Variants in CFAP54 observed in about 807,000 individuals in gnomAD.
CFAP54 encodes the protein cilia- and flagella-associated protein 54.
Under a neutral mutation model 370.4 loss-of-function variants are expected in CFAP54, and 290 were observed. The ratio of observed to expected loss-of-function variants is 0.78; its 90% CI spans 0.71 to 0.86. CFAP54 has a LOEUF of 0.86. Ranked by LOEUF, CFAP54 falls within the 40% of genes least tolerant of loss-of-function variation. The pLI is 0.00. For missense variants in CFAP54, 3,399 were observed against 3,528.7 expected, an observed-to-expected ratio of 0.96 and a Z score of 0.93; for synonymous variants, 1,206 against 1,236.5, an observed-to-expected ratio of 0.98 and a Z score of 0.52.
At chr12:96,826,888 T>A in intron 65 of CFAP54, among the ~76,000 whole-genome samples, 1 of 123,628 alleles carries the variant, frequency 8.1e-6, no homozygotes, top group South Asian at 2.3e-4. Flanking sequence ...TTATATAATA[T>A]TATATGATAT....
rs764959292 is a variant in CFAP54 at position 96,518,891 on chromosome 12, A to T, written c.799-37A>T. On this transcript the variant is annotated intron_variant, in intron 5 of 67. Coordinates refer to ENST00000524981, the MANE Select transcript of CFAP54 (RefSeq NM_001306084.2). Reference sequence around the variant, plus strand: ...AATACAATTATCATTATTAACTTCAAATGAAAACAAATCCAATGGTGCCCT... The same window carrying T: ...AATACAATTATCATTATTAACTTCATATGAAAACAAATCCAATGGTGCCCT... 17 of 1,489,658 alleles carry T rather than the reference A, an allele frequency of 1.1e-5. 1 individual carries two copies. The South Asian group carries it at 2.2e-4, about 19-fold the overall frequency. The allele number at this position is 1,489,658 out of a possible 1,614,324, so 92.3% of individuals were successfully genotyped here.
chr12:96,515,127 C>T (rs928061027), intron 5 of CFAP54, among the ~76,000 whole-genome samples: 15 of 151,836 alleles, frequency 9.9e-5, no homozygotes, highest in Non-Finnish European at 1.6e-4. Context: ...CCTGCCACAG[C>T]CCCCTGAGTA....
At chr12:96,868,010 A>G (rs1565767945) in intron 67 of CFAP54, among the ~76,000 whole-genome samples, 1 of 152,326 alleles carries the variant, frequency 6.6e-6, no homozygotes, top group East Asian at 1.9e-4. Flanking sequence ...ATGTTTGTAC[A>G]TGATAAATAT....
At chr12:96,582,375 G>A (rs943131609) in intron 22 of CFAP54, among the ~76,000 whole-genome samples, 6 of 152,094 alleles carry the variant, frequency 3.9e-5, no homozygotes, top group Non-Finnish European at 7.4e-5. Flanking sequence ...TGACTGTAGA[G>A]CTGATGGCTT....
intron 33 of CFAP54, chr12:96,646,607 T>C (rs1285366555): frequency 6.6e-6 from 1 of 152,206 alleles, no homozygotes; most frequent in Non-Finnish European, 1.5e-5. Flanking sequence ...ACTGGGTATA[T>C]ACCCAAAGGA....
chr12:96,725,222 G>A (rs1957817072), intron 50 of CFAP54, among the ~76,000 whole-genome samples: 1 of 151,436 alleles, frequency 6.6e-6, no homozygotes, highest in Non-Finnish European at 1.5e-5. Flanking sequence ...GAAAGTCATT[G>A]GTAGCTTGAT....
At chr12:96,604,660 C>T (rs1265397118) in intron 26 of CFAP54, among the ~76,000 whole-genome samples, 1 of 151,958 alleles carries the variant, frequency 6.6e-6, no homozygotes, top group East Asian at 1.9e-4. Flanking sequence ...AGCATAGAAC[C>T]ACCTACTCAA....
At chr12:96,648,880 G>A (rs544318949) in intron 34 of CFAP54, among the ~76,000 whole-genome samples, 4 of 151,998 alleles carry the variant, frequency 2.6e-5, no homozygotes, top group South Asian at 2.1e-4. Context: ...GAGCCACTGC[G>A]CCCGGCCGAA....
intron 55 of CFAP54, among the ~76,000 whole-genome samples, chr12:96,750,937 C>T (rs1958175801): frequency 6.6e-6 from 1 of 152,120 alleles, no homozygotes; most frequent in Non-Finnish European, 1.5e-5. Flanking sequence ...TATTATAAAG[C>T]ATAAAATCAG....
At chr12:96,545,261 A>C (rs1374281306) in intron 14 of CFAP54, among the ~76,000 whole-genome samples, 1 of 152,040 alleles carries the variant, frequency 6.6e-6, no homozygotes, top group Non-Finnish European at 1.5e-5. Context: ...GTGGGGAGCT[A>C]GGGGAAGGAT....
At chr12:96,804,053 AG>A (rs1958851514) in intron 63 of CFAP54, among the ~76,000 whole-genome samples, 1 of 152,144 alleles carries the variant, frequency 6.6e-6, no homozygotes, top group Non-Finnish European at 1.5e-5. Flanking sequence ...TTTAAAAAAA[AG>A]AATTTCTGAA....
intron 50 of CFAP54, among the ~76,000 whole-genome samples, chr12:96,725,351 T>C (rs997629441): frequency 4.6e-5 from 7 of 151,864 alleles, no homozygotes; most frequent in Non-Finnish European, 5.9e-5. Context: ...TTTTATTTCA[T>C]TGAGCAGTGG....
intron 32 of CFAP54, among the ~76,000 whole-genome samples, chr12:96,634,046 CTTTTTT>C (rs71437232): frequency 1.4e-4 from 8 of 56,864 alleles, no homozygotes; most frequent in South Asian, 9.2e-4. Context: ...TAGCGAACAT[CTTTTTT>C]TTTTTTTTTT....
intron 9 of CFAP54, among the ~76,000 whole-genome samples, chr12:96,527,971 A>C (rs1233184609): frequency 6.6e-6 from 1 of 152,178 alleles, no homozygotes; most frequent in Non-Finnish European, 1.5e-5. Context: ...TTGTATATAC[A>C]GTCATCTATG....
At chr12:96,798,911 CTG>C (rs1449925656) in intron 63 of CFAP54, among the ~76,000 whole-genome samples, 9 of 152,102 alleles carry the variant, frequency 5.9e-5, no homozygotes, top group Non-Finnish European at 1.0e-4. Context: ...AGAGAGTAAA[CTG>C]TGCCTAACCA....
intron 17 of CFAP54, among the ~76,000 whole-genome samples, chr12:96,561,773 C>CTTTTTTTT (rs376442763): frequency 1.1e-5 from 1 of 94,852 alleles, no homozygotes; most frequent in Non-Finnish European, 1.9e-5. Context: ...ATCACAAGTT[C>CTTTTTTTT]TTTTTTTTTT....
intron 39 of CFAP54, among the ~76,000 whole-genome samples, chr12:96,664,223 A>T (rs1471670710): frequency 6.6e-6 from 1 of 152,002 alleles, no homozygotes; most frequent in African/African-American, 2.4e-5. Context: ...TTTACAGATT[A>T]TTTTATCACC....
chr12:96,523,572 G>C (rs1308031459), intron 8 of CFAP54, among the ~76,000 whole-genome samples: 1 of 152,088 alleles, frequency 6.6e-6, no homozygotes, highest in Non-Finnish European at 1.5e-5. Flanking sequence ...CTAACCAACA[G>C]TATATTAATT....
At chr12:96,826,413 A>G (rs1275102022) in intron 65 of CFAP54, among the ~76,000 whole-genome samples, 1 of 129,896 alleles carries the variant, frequency 7.7e-6, no homozygotes, top group Non-Finnish European at 1.6e-5. Flanking sequence ...TATATATAAC[A>G]AACATATATA....
Sources: gnomAD v4.1 joint callset for allele counts (sites outside exome capture counted in the v4.1 genomes callset) on GRCh38, gnomAD v4.1.1 for gene constraint, MANE v1.5 for transcripts, NCBI Gene and HGNC (gene_info 2026-07-23, HGNC 2026-07-21) for gene names.